ZNF283: variants seen among roughly 807,000 people sequenced by gnomAD.
The protein encoded by ZNF283 is zinc finger protein 283.
In ZNF283, 10 loss-of-function variants were observed where a neutral mutation model predicts 9.2. That is an observed-to-expected ratio of 1.09 (90% CI 0.67 to 1.85). ZNF283 has a LOEUF of 1.85. ZNF283 is among the 40% of genes most tolerant of loss of function. The pLI, the probability that ZNF283 is intolerant of heterozygous loss-of-function variation, is 0.00. For missense variants in ZNF283, 631 were observed against 760.1 expected (o/e 0.83, Z 2.00); for synonymous variants, 234 against 244.1 (o/e 0.96, Z 0.38).
chr19:43,839,360 C>T (rs1173819790), intron 6 of ZNF283, among the ~76,000 whole-genome samples: 1 of 151,858 alleles, frequency 6.6e-6, no homozygotes, highest in Non-Finnish European at 1.5e-5. Flanking sequence ...CTGCTTTCTT[C>T]CTGTGTTCTG....
At chr19:43,828,710 C>T (rs1016609671) in intron 2 of ZNF283, among the ~76,000 whole-genome samples, 5 of 152,014 alleles carry the variant, frequency 3.3e-5, no homozygotes, top group Admixed American at 3.3e-4. Flanking sequence ...AGGCTGAGTG[C>T]AGTAGTATAG....
intron 6 of ZNF283, among the ~76,000 whole-genome samples, chr19:43,843,013 T>C (rs1971272204): frequency 6.6e-6 from 1 of 152,220 alleles, no homozygotes; most frequent in East Asian, 1.9e-4. Flanking sequence ...AGTATGATGG[T>C]TGCCTTGAAG....
At chr19:43,845,148 A>G (rs1397625392) in intron 6 of ZNF283, among the ~76,000 whole-genome samples, 1 of 152,188 alleles carries the variant, frequency 6.6e-6, no homozygotes, top group Non-Finnish European at 1.5e-5. Context: ...TTATTAGCCT[A>G]GAAAGGCCAA....
chr19:43,827,390 A>G lies in ZNF283; in HGVS notation c.-199A>G, dbSNP rs1027193876. ...CCCATCAGCCTCTGGGTCCAAACTAACCACAGGTCTCTGGGTCCTTTTCCG... is the reference window on the plus strand; with the variant it reads ...CCCATCAGCCTCTGGGTCCAAACTAGCCACAGGTCTCTGGGTCCTTTTCCG... On this transcript the variant is annotated 5_prime_UTR_variant, in exon 1 of 7. Transcript: ENST00000618787. The G allele has an allele frequency of 1.3e-5, 2 of 152,216 alleles. No homozygotes were observed. The highest frequency in any genetic ancestry group is 2.9e-5 in the Non-Finnish European group (2 of 68,134). The allele number at this position is 152,216 out of a possible 1,614,324, so 9.4% of individuals were successfully genotyped here.
In ZNF283 at chr19:43,828,199, C is replaced by T. The variant is rs999064429; in HGVS notation, c.-144-3C>T. Reference sequence around the variant, plus strand: ...TGTCTCATGTTACTGTTTTTTCCCCCAGTGCTGCCAGGTTGCCAGATTTCT... The same window carrying T: ...TGTCTCATGTTACTGTTTTTTCCCCTAGTGCTGCCAGGTTGCCAGATTTCT... On this transcript the variant is annotated splice_polypyrimidine_tract_variant and splice_region_variant and intron_variant, in intron 1 of 6. Transcript: ENST00000618787. The T allele has an allele frequency of 6.6e-6, 1 of 152,062 alleles. No individual in the cohort carries two copies. The highest frequency in any genetic ancestry group is 2.4e-5 in the African/African-American group (1 of 41,376). The allele number at this position is 152,062 out of a possible 1,614,324, so 9.4% of individuals were successfully genotyped here.
chr19:43,835,902 A>C (rs956094302), intron 5 of ZNF283, among the ~76,000 whole-genome samples: 1 of 152,170 alleles, frequency 6.6e-6, no homozygotes, highest in Non-Finnish European at 1.5e-5. Flanking sequence ...CTTTGAAGTC[A>C]TTTTGTCGTC....
Position 43,847,147 on chromosome 19 carries a change from T to A in ZNF283, c.546T>A (p.Tyr182Ter), listed in dbSNP as rs1383147054. 6.2e-7 allele frequency: 1 copy of A among 1,613,408 alleles called. No homozygotes were observed. The highest frequency in any genetic ancestry group is 1.7e-5 in the Admixed American group (1 of 59,890). Residue 182 changes from tyrosine to a stop codon, truncating the protein, a stop_gained, in exon 7 of 7, where the codon TAT (tyrosine) becomes TAA (stop). Coordinates refer to ENST00000618787, the MANE Select transcript of ZNF283 (RefSeq NM_181845.2). LOFTEE classifies it low-confidence loss of function (END_TRUNC). ...ACTTCAGTCAAATGATAATCAGCTA[T>A]GAAAAAATACCTTCTTACAGAAAAA... is the stretch of plus-strand genomic sequence containing the variant. Reference protein sequence around the residue: ...EGYFSQMIISYEKIPSYRKSK... With the variant: ...EGYFSQMIIS
Position 43,848,467 on chromosome 19 carries a change from T to C in ZNF283, c.1866T>C (p.Thr622=). The change falls in exon 7 of 7, where the codon ACT becomes ACC. Residue 622 remains threonine (T), a synonymous_variant. Coordinates refer to ENST00000618787, the MANE Select transcript of ZNF283 (RefSeq NM_181845.2). ...YQLSVHQRFH[T]GEKLYQRKEF... The stretch of plus-strand genomic sequence containing the variant: ...TTAGTGTTCATCAGAGATTTCATAC[T>C]GGTGAGAAGCTTTATCAACGTAAGG... The C allele has an allele frequency of 6.2e-7, 1 of 1,613,808 alleles. No individual in the cohort carries two copies. Among genetic ancestry groups the C allele is most frequent in the Non-Finnish European group, 8.5e-7 (1 of 1,179,744 alleles).
Position 43,833,501 on chromosome 19 carries a change from T to TTC in ZNF283, c.1-4_1-3insTC. 4.0e-6 allele frequency: 1 copy of TTC among 248,896 alleles called. No homozygotes were observed. Among genetic ancestry groups the TTC allele is most frequent in the East Asian group, 1.5e-4 (1 of 6,862 alleles). The allele number at this position is 248,896 out of a possible 1,614,324, so 15.4% of individuals were successfully genotyped here. A position where few individuals can be genotyped will look rare whatever the true frequency, so the allele number is the denominator to read the frequency against. ...ACCTATTTCTTTTTTTTTTTTTTTTTCAGATGGAGTCTCGCTCTGTCGCCC... is the reference window on the plus strand; with the variant it reads ...ACCTATTTCTTTTTTTTTTTTTTTTTTCCAGATGGAGTCTCGCTCTGTCGCCC... On this transcript the variant is annotated splice_polypyrimidine_tract_variant and splice_region_variant and intron_variant, in intron 3 of 6. Coordinates refer to ENST00000618787, the MANE Select transcript of ZNF283 (RefSeq NM_181845.2).
At position 43,851,373 on chromosome 19, in the gene ZNF283, C is replaced by T. The variant is rs1251285130; in HGVS notation, c.*2732C>T. The stretch of plus-strand genomic sequence containing the variant: ...ATCTACTAAATCCCCTCCTAAGGAA[C>T]AAGCAAAAGCACCTCACCAGCTTAT... On this transcript the variant is annotated 3_prime_UTR_variant, in exon 7 of 7. Transcript: ENST00000618787. 1 of 148,618 alleles carries T rather than the reference C, an allele frequency of 6.7e-6. No homozygotes were observed. The highest frequency in any genetic ancestry group is 1.5e-5 in the Non-Finnish European group (1 of 67,374). 9.2% of individuals were successfully genotyped at this position (148,618 alleles called of 1,614,324 possible).
rs377306727 is a variant in ZNF283, at chr19:43,848,262, G to A, written c.1661G>A (p.Arg554His). 107 of 1,613,140 alleles carry A rather than the reference G, an allele frequency of 6.6e-5. No individual in the cohort carries two copies. The highest frequency in any genetic ancestry group is 1.1e-4 in the South Asian group (10 of 90,962). ...ECKECGKAFS[R>H]GYHLTQHQKI... is the part of the protein sequence containing the mutation. ...AAAGAATGTGGGAAGGCTTTTAGTCGTGGCTATCACCTTACTCAACATCAG... is the reference window on the plus strand; with the variant it reads ...AAAGAATGTGGGAAGGCTTTTAGTCATGGCTATCACCTTACTCAACATCAG... Residue 554 changes from arginine to histidine, a missense_variant, in exon 7 of 7, where the codon CGT becomes CAT. By Grantham distance (29) the Arg-to-His change is conservative. Around this residue, in one of 3 missense-constraint regions of ZNF283, gnomAD observed 444 missense variants for 522.5 expected, o/e 0.85. Transcript: ENST00000618787.
chr19:43,848,336 G>T lies in ZNF283; in HGVS notation c.1735G>T (p.Ala579Ser). 6.2e-7 allele frequency: 1 copy of T among 1,613,936 alleles called. No individual in the cohort carries two copies. The highest frequency in any genetic ancestry group is 8.5e-7 in the Non-Finnish European group (1 of 1,179,946). ...TTTCAAATGTAAGGAATGTGGGAAG[G>T]CCTTCAGTTGGGGTTCAAGCCTAGT... Reference protein sequence around the residue: ...KPFKCKECGKAFSWGSSLVKH... With the variant: ...KPFKCKECGKSFSWGSSLVKH... The change falls in exon 7 of 7, where the codon GCC (alanine) becomes TCC (serine). Residue 579 changes from alanine to serine, a missense_variant. By Grantham distance (99) the Ala-to-Ser change is moderately conservative. This residue lies in a region of ZNF283 where 444 missense variants were observed against 522.5 expected (regional missense o/e 0.85). Coordinates refer to ENST00000618787, the MANE Select transcript of ZNF283 (RefSeq NM_181845.2).
chr19:43,847,637 C>A lies in ZNF283; in HGVS notation c.1036C>A (p.Pro346Thr), dbSNP rs202121266. Residue 346 changes from proline (P) to threonine (T), a missense_variant, in exon 7 of 7, where the codon CCT (proline) becomes ACT (threonine). Physicochemically the swap from Pro to Thr is conservative, Grantham distance 38. This residue lies in a region of ZNF283 where 444 missense variants were observed against 522.5 expected (regional missense o/e 0.85). Coordinates refer to ENST00000618787, the MANE Select transcript of ZNF283 (RefSeq NM_181845.2). ...KHEIIHTGEK[P>T]YKCKECGKAF... is the part of the protein sequence containing the mutation. ...TGAGATAATTCATACAGGTGAGAAA[C>A]CTTATAAATGTAAAGAATGTGGGAA... 23 of 1,612,006 alleles carry A rather than the reference C, an allele frequency of 1.4e-5. No individual in the cohort carries two copies. The African/African-American group carries it at 1.5e-4, about 10-fold the overall frequency.
Position 43,848,327 on chromosome 19 carries a change from T to A in ZNF283, c.1726T>A (p.Cys576Ser). The A allele has an allele frequency of 6.2e-7, 1 of 1,614,044 alleles. No individual in the cohort carries two copies. The change falls in exon 7 of 7, where the codon TGT (cysteine) becomes AGT (serine). Residue 576 changes from cysteine to serine, a missense_variant. This residue lies in a region of ZNF283 where 444 missense variants were observed against 522.5 expected (regional missense o/e 0.85). Coordinates refer to ENST00000618787, the MANE Select transcript of ZNF283 (RefSeq NM_181845.2). ...TGEKPFKCKECGKAFSWGSSL... is the reference protein window; with the variant it reads ...TGEKPFKCKESGKAFSWGSSL... ...TGAGAAACCTTTCAAATGTAAGGAA[T>A]GTGGGAAGGCCTTCAGTTGGGGTTC...
intron 6 of ZNF283, among the ~76,000 whole-genome samples, chr19:43,844,672 A>C (rs16976829): frequency 0.036 from 5,439 of 152,244 alleles, 316 homozygotes; most frequent in African/African-American, 0.12. Flanking sequence ...ACATCACAAT[A>C]ATCATCCATC....
chr19:43,830,901 TAAAA>T (rs367850643), intron 2 of ZNF283, among the ~76,000 whole-genome samples: 23 of 73,838 alleles, frequency 3.1e-4, no homozygotes, highest in African/African-American at 1.1e-3. Flanking sequence ...AGACTCCATC[TAAAA>T]AAAAAAAAAA....
intron 4 of ZNF283, among the ~76,000 whole-genome samples, chr19:43,834,689 G>A (rs940143607): frequency 6.6e-6 from 1 of 151,920 alleles, no homozygotes; most frequent in Non-Finnish European, 1.5e-5. Context: ...TCTGCCTCCC[G>A]GGTTCACGCC....
intron 6 of ZNF283, among the ~76,000 whole-genome samples, chr19:43,838,396 C>T (rs950109574): frequency 1.3e-5 from 2 of 152,104 alleles, no homozygotes; most frequent in East Asian, 3.9e-4. Flanking sequence ...GAAGCTGAGA[C>T]GGTTGGATCA....
rs1159525455 is a variant in ZNF283 at position 43,828,301 on chromosome 19, CT to C, written c.-65+25del. ...GTTCAGGTGAGGTTTTTTATACATA[CT>C]TTTTAAATACATACACATACAATTA... On this transcript the variant is annotated intron_variant, in intron 2 of 6. Coordinates refer to ENST00000618787, the MANE Select transcript of ZNF283 (RefSeq NM_181845.2). 2 of 152,114 alleles carry C rather than the reference CT, an allele frequency of 1.3e-5. No homozygotes were observed. Among genetic ancestry groups the C allele is most frequent in the Non-Finnish European group, 2.9e-5 (2 of 68,018 alleles). 9.4% of individuals were successfully genotyped at this position (152,114 alleles called of 1,614,324 possible).
Sources: allele counts gnomAD v4.1 joint callset (sites outside exome capture counted in the v4.1 genomes callset), GRCh38; gene constraint gnomAD v4.1.1; regional missense constraint gnomAD v4.1.1; transcripts MANE v1.5; gene names NCBI Gene and HGNC (gene_info 2026-07-23, HGNC 2026-07-21).